SLC26A7: variants seen among roughly 807,000 people sequenced by gnomAD.
SLC26A7 encodes solute carrier family 26 member 7, also known as anion exchange transporter.
Under a neutral mutation model 82.5 loss-of-function variants are expected in SLC26A7, and 59 were observed. The ratio of observed to expected loss-of-function variants is 0.72; its 90% confidence interval spans 0.58 to 0.89. SLC26A7 has a LOEUF of 0.89. Ranked by LOEUF, SLC26A7 falls within the 40% of genes least tolerant of loss-of-function variation. The pLI is 0.00. For missense variants in SLC26A7, 820 were observed against 793.0 expected (o/e 1.03, Z -0.41); for synonymous variants, 271 against 274.3 (o/e 0.99, Z 0.12).
At chr8:91,296,429 G>A (rs67241124) in intron 4 of SLC26A7, among the ~76,000 whole-genome samples, 15,682 of 152,002 alleles carry the variant, frequency 0.1, 940 homozygotes, top group Middle Eastern at 0.2. Flanking sequence ...TAAACTTCTT[G>A]GGTGGCTGTG....
At chr8:91,341,144 C>A (rs867319038) in intron 8 of SLC26A7, among the ~76,000 whole-genome samples, 4 of 152,032 alleles carry the variant, frequency 2.6e-5, no homozygotes, top group South Asian at 2.1e-4. Flanking sequence ...CTCCTCCCCC[C>A]ACCCCACAAC....
At chr8:91,231,830 C>G (rs56339637) in intron 2 of SLC26A7, among the ~76,000 whole-genome samples, 1 of 151,676 alleles carries the variant, frequency 6.6e-6, no homozygotes, top group Admixed American at 6.6e-5. Flanking sequence ...GTCTTTTTTC[C>G]CTGTTTTGTT....
chr8:91,297,416 AAT>A (rs1812045771), intron 4 of SLC26A7, among the ~76,000 whole-genome samples: 1 of 152,100 alleles, frequency 6.6e-6, no homozygotes, highest in African/African-American at 2.4e-5. Context: ...CAACATAAAA[AAT>A]ATATGTCTCA....
chr8:91,251,589 A>G lies in SLC26A7; in HGVS notation c.193+1745A>G, dbSNP rs540556923. On this transcript the variant is annotated intron_variant, in intron 2 of 18. Transcript: ENST00000276609. The stretch of plus-strand genomic sequence containing the variant: ...GTTAAAAAGTGAAATGCCATAAGCT[A>G]CCATTTGTTGTAAGAGGCAATGCCC... 3.3e-5 allele frequency among the ~76,000 whole-genome samples: 5 copies of G among 152,112 alleles called. No individual in the cohort carries two copies. In the South Asian group the frequency reaches 1.0e-3, roughly 31 times the overall value.
At position 91,312,157 on chromosome 8, in the gene SLC26A7, T is replaced by C. The variant is rs575173055; in HGVS notation, c.478-6059T>C. 2.0e-5 allele frequency among the ~76,000 whole-genome samples: 3 copies of C among 152,324 alleles called. 1 individual carries two copies. The South Asian group carries it at 6.2e-4, about 32-fold the overall frequency. ...CCTTGGAAACCATCATTCTACTTTA[T>C]GTCTCTGTGATTTTGACTAAGTATT... is the stretch of plus-strand genomic sequence containing the variant. On this transcript the variant is annotated intron_variant, in intron 4 of 18. Coordinates refer to ENST00000276609, the MANE Select transcript of SLC26A7 (RefSeq NM_052832.4).
chr8:91,222,675 T>C (rs1428275151), intron 2 of SLC26A7, among the ~76,000 whole-genome samples: 12 of 152,234 alleles, frequency 7.9e-5, no homozygotes, highest in Admixed American at 7.2e-4. Flanking sequence ...TTTGTTATGT[T>C]GAACCAGCCT....
At position 91,395,055 on chromosome 8, in the gene SLC26A7, A is replaced by G. The variant is rs1321098542; in HGVS notation, c.1936-7A>G. 1.2e-6 allele frequency: 2 copies of G among 1,613,170 alleles called. No individual in the cohort carries two copies. Among genetic ancestry groups the G allele is most frequent in the South Asian group, 2.2e-5 (2 of 91,070 alleles). ...GCACATACTTACTTCTTCCTCTGGT[A>G]TTTCAGAATTTGAGCAAACTCAGTG... is the stretch of plus-strand genomic sequence containing the variant. On this transcript the variant is annotated splice_region_variant and splice_polypyrimidine_tract_variant and intron_variant, in intron 18 of 18. Coordinates refer to ENST00000276609, the MANE Select transcript of SLC26A7 (RefSeq NM_052832.4).
chr8:91,386,568 A>C (rs886790333), intron 15 of SLC26A7, among the ~76,000 whole-genome samples: 20 of 152,196 alleles, frequency 1.3e-4, no homozygotes, highest in Non-Finnish European at 2.9e-4. Context: ...TCATTTAATC[A>C]AAGCCATTGG....
intron 2 of SLC26A7, among the ~76,000 whole-genome samples, chr8:91,277,113 A>T (rs1811427473): frequency 6.6e-6 from 1 of 151,916 alleles, no homozygotes; most frequent in Non-Finnish European, 1.5e-5. Flanking sequence ...ACTTCCAGTG[A>T]TTTCTTCATT....
At chr8:91,209,613 T>G (rs1809869263) in intron 1 of SLC26A7, 1 of 152,182 alleles carries the variant, frequency 6.6e-6, no homozygotes. Flanking sequence ...TGGGAAGATA[T>G]GTGCATGGTT....
chr8:91,316,947 A>G (rs1025916895), intron 4 of SLC26A7, among the ~76,000 whole-genome samples: 1 of 138,622 alleles, frequency 7.2e-6, no homozygotes, highest in Non-Finnish European at 1.5e-5. Context: ...TGAGCCCAAG[A>G]TTTTGAAACT....
At chr8:91,348,714 T>G (rs1586438661) in intron 9 of SLC26A7, among the ~76,000 whole-genome samples, 2 of 123,080 alleles carry the variant, frequency 1.6e-5, no homozygotes, top group Non-Finnish European at 3.6e-5. Flanking sequence ...GTTTTGTTTT[T>G]TTTTTCCTGA....
rs571333422 is a variant in SLC26A7 at position 91,340,767 on chromosome 8, A to C, written c.1026+216A>C. On this transcript the variant is annotated intron_variant, in intron 8 of 18. Transcript: ENST00000276609. ...ATGCTTTTTATTTTGGTTAAAATAG[A>C]AGGCATCATGATGTTCTTTTTGATT... 4.9e-4 allele frequency: 262 copies of C among 537,280 alleles called. 4 individuals carry two copies. The South Asian group carries it at 5.5e-3, about 11-fold the overall frequency. The allele number at this position is 537,280 out of a possible 1,614,324, so 33.3% of individuals were successfully genotyped here.
chr8:91,247,152 CAGTGAT>C (rs980362633), upstream of SLC26A7, among the ~76,000 whole-genome samples: 1 of 152,140 alleles, frequency 6.6e-6, no homozygotes, highest in Admixed American at 6.5e-5. Flanking sequence ...TCAAACATAT[CAGTGAT>C]GTAATCAAAA....
chr8:91,295,850 T>G (rs1812002701), intron 4 of SLC26A7, 147 bp downstream of exon 4: 1 of 683,062 alleles, frequency 1.5e-6, no homozygotes, highest in Non-Finnish European at 2.3e-6. Flanking sequence ...AAATGCTGTT[T>G]AGAGTCATTA....
intron 2 of SLC26A7, among the ~76,000 whole-genome samples, chr8:91,224,832 C>T (rs902921482): frequency 5.3e-5 from 8 of 152,312 alleles, no homozygotes; most frequent in Non-Finnish European, 8.8e-5. Context: ...CCACCCCTCC[C>T]GAGGAGCTCA....
Position 91,369,888 on chromosome 8 carries a change from A to G in SLC26A7, c.1675+55A>G, listed in dbSNP as rs375357037. ...TAAGTGTTTACCTTGAAGATAGACC[A>G]GAGAATAAAATCTTCTTCCCCTTCT... On this transcript the variant is annotated intron_variant, in intron 15 of 18. Transcript: ENST00000276609. The G allele has an allele frequency of 8.7e-6, 12 of 1,380,686 alleles. No homozygotes were observed. The African/African-American group carries it at 1.7e-4, about 20-fold the overall frequency. The allele number at this position is 1,380,686 out of a possible 1,614,324, so 85.5% of individuals were successfully genotyped here.
chr8:91,324,479 A>G (rs762755483), intron 5 of SLC26A7, among the ~76,000 whole-genome samples: 1 of 152,224 alleles, frequency 6.6e-6, no homozygotes, highest in Non-Finnish European at 1.5e-5. Flanking sequence ...ATTGTCCAAC[A>G]GAATAATCAG....
At chr8:91,341,332 G>A (rs1425043154) in intron 8 of SLC26A7, among the ~76,000 whole-genome samples, 2 of 151,916 alleles carry the variant, frequency 1.3e-5, no homozygotes, top group Admixed American at 6.6e-5. Context: ...ATTTTTTATG[G>A]CTGCATAGTA....
Sources: gnomAD v4.1 joint callset for allele counts (sites outside exome capture counted in the v4.1 genomes callset) on GRCh38, gnomAD v4.1.1 for gene constraint, MANE v1.5 for transcripts, NCBI Gene and HGNC (gene_info 2026-07-23, HGNC 2026-07-21) for gene names.